SPOCK3: variants seen among roughly 807,000 people sequenced by gnomAD.
The protein encoded by SPOCK3 is SPARC (osteonectin), cwcv and kazal like domains proteoglycan 3, also known as testican-3.
In SPOCK3, 30 loss-of-function variants were observed where a neutral mutation model predicts 56.6. The ratio of observed to expected loss-of-function variants is 0.53; its 90% confidence interval spans 0.40 to 0.72. SPOCK3 has a LOEUF of 0.72. Among genes scored for constraint, SPOCK3 ranks in the 30% least tolerant of loss-of-function variants. The pLI, the probability that SPOCK3 is intolerant of heterozygous loss-of-function variation, is 0.00. For synonymous variants in SPOCK3, 196 were observed against 183.3 expected (o/e 1.07, Z -0.56); for missense variants, 527 against 530.0 (o/e 0.99, Z 0.06).
chr4:166,865,849 T>C (rs1003375553), intron 6 of SPOCK3, among the ~76,000 whole-genome samples: 16 of 152,152 alleles, frequency 1.1e-4, no homozygotes, highest in Admixed American at 5.2e-4. Flanking sequence ...AAAATGGCCA[T>C]ATTGCCCAAA....
chr4:167,171,401 GT>G (rs1362644564), intron 2 of SPOCK3, among the ~76,000 whole-genome samples: 1 of 152,140 alleles, frequency 6.6e-6, no homozygotes, highest in Non-Finnish European at 1.5e-5. Context: ...AAGAGTGTGT[GT>G]TTAAGTACTT....
intron 8 of SPOCK3, among the ~76,000 whole-genome samples, chr4:166,753,277 T>C (rs1736660515): frequency 6.6e-6 from 1 of 152,058 alleles, no homozygotes; most frequent in East Asian, 1.9e-4. Flanking sequence ...GCAGTTTAGC[T>C]GGATTTACTA....
At chr4:167,234,406 C>T (rs1470414990) in intron 1 of SPOCK3, 44 bp downstream of exon 1, 1 of 579,070 alleles carries the variant, frequency 1.7e-6, no homozygotes, top group East Asian at 2.8e-5. Flanking sequence ...AAGCCCCAGC[C>T]GCAGCAGCCC....
chr4:166,896,574 C>A (rs28547236), intron 5 of SPOCK3, among the ~76,000 whole-genome samples: 11,766 of 152,156 alleles, frequency 0.077, 540 homozygotes, highest in Non-Finnish European at 0.1. Flanking sequence ...CCCTATCTCT[C>A]GGTAAGGATG....
intron 3 of SPOCK3, among the ~76,000 whole-genome samples, chr4:167,003,188 G>A (rs72973549): frequency 6.8e-4 from 103 of 152,152 alleles, no homozygotes; most frequent in African/African-American, 2.4e-3. Context: ...TTGATATACA[G>A]TGAAAATAGA....
chr4:167,000,280 T>G, intron 4 of SPOCK3, 69 bp downstream of exon 4: 1 of 730,954 alleles, frequency 1.4e-6, no homozygotes, highest in African/African-American at 1.8e-5. Context: ...TGCCAAATAT[T>G]TATACTCTGC....
intron 2 of SPOCK3, among the ~76,000 whole-genome samples, chr4:167,119,143 A>AGGGGGGGGGGGGGG (rs67854676): frequency 7.2e-4 from 89 of 123,780 alleles, no homozygotes; most frequent in East Asian, 1.2e-3. Flanking sequence ...GGGGTGGGGG[A>AGGGGGGGGGGGGGG]GGGGGGGGAA....
intron 6 of SPOCK3, among the ~76,000 whole-genome samples, chr4:166,806,407 C>A (rs1743169768): frequency 6.6e-6 from 1 of 151,900 alleles, no homozygotes; most frequent in African/African-American, 2.4e-5. Flanking sequence ...TTGTTTATTT[C>A]TTTCTCAGGC....
At chr4:166,803,129 C>T (rs1001726800) in intron 6 of SPOCK3, among the ~76,000 whole-genome samples, 4 of 152,012 alleles carry the variant, frequency 2.6e-5, no homozygotes, top group Admixed American at 1.3e-4. Context: ...TGAGTGTGCT[C>T]TATATTAAAG....
intron 6 of SPOCK3, among the ~76,000 whole-genome samples, chr4:166,811,413 A>T (rs1002550915): frequency 6.0e-5 from 9 of 150,960 alleles, no homozygotes; most frequent in Non-Finnish European, 1.0e-4. Flanking sequence ...TATTTTTATT[A>T]TCCTATAGTT....
intron 7 of SPOCK3, among the ~76,000 whole-genome samples, chr4:166,778,272 G>A (rs1739786837): frequency 6.6e-6 from 1 of 152,122 alleles, no homozygotes; most frequent in South Asian, 2.1e-4. Flanking sequence ...CACATAAGCA[G>A]TACATTTCCC....
At chr4:166,914,402 A>G (rs1290753493) in intron 4 of SPOCK3, among the ~76,000 whole-genome samples, 1 of 151,620 alleles carries the variant, frequency 6.6e-6, no homozygotes, top group Non-Finnish European at 1.5e-5. Flanking sequence ...TCTTATAAAT[A>G]TAACATTTAT....
At chr4:167,167,886 G>A (rs907436287) in intron 2 of SPOCK3, among the ~76,000 whole-genome samples, 16 of 152,070 alleles carry the variant, frequency 1.1e-4, no homozygotes, top group Non-Finnish European at 1.9e-4. Context: ...AGCTTGAATT[G>A]TAATAACCCC....
chr4:167,048,419 C>T (rs148419397), intron 3 of SPOCK3, among the ~76,000 whole-genome samples: 1 of 151,874 alleles, frequency 6.6e-6, no homozygotes, highest in Non-Finnish European at 1.5e-5. Flanking sequence ...CGGAAGAAAC[C>T]AGACATGCCC....
At chr4:166,858,893 A>G (rs1373724140) in intron 6 of SPOCK3, among the ~76,000 whole-genome samples, 2 of 152,198 alleles carry the variant, frequency 1.3e-5, no homozygotes, top group Non-Finnish European at 2.9e-5. Context: ...CTATATGTAT[A>G]TACACAGTCA....
At chr4:166,992,267 C>T (rs1346345158) in intron 4 of SPOCK3, among the ~76,000 whole-genome samples, 1 of 152,060 alleles carries the variant, frequency 6.6e-6, no homozygotes, top group Non-Finnish European at 1.5e-5. Flanking sequence ...TCCTTTCCAT[C>T]ATATGGAGTT....
chr4:167,072,634 T>C (rs539330586), intron 2 of SPOCK3, among the ~76,000 whole-genome samples: 3 of 152,016 alleles, frequency 2.0e-5, no homozygotes, highest in Non-Finnish European at 2.9e-5. Context: ...TGCATAATTC[T>C]ATTCTCAAAT....
intron 2 of SPOCK3, among the ~76,000 whole-genome samples, chr4:167,135,839 A>G (rs1580401444): frequency 6.6e-6 from 1 of 152,102 alleles, no homozygotes; most frequent in South Asian, 2.1e-4. Flanking sequence ...TCCAGTGTAC[A>G]TAATGCTGCT....
intron 3 of SPOCK3, among the ~76,000 whole-genome samples, chr4:167,009,628 C>CA (rs911743823): frequency 1.6e-4 from 24 of 150,848 alleles, no homozygotes; most frequent in African/African-American, 3.4e-4. Context: ...CTCACAATAC[C>CA]AAAAAAAACA....
Sources: gnomAD v4.1 joint callset for allele counts (sites outside exome capture counted in the v4.1 genomes callset) on GRCh38, gnomAD v4.1.1 for gene constraint, MANE v1.5 for transcripts, NCBI Gene and HGNC (gene_info 2026-07-23, HGNC 2026-07-21) for gene names.